The following FGD4 variants were observed in gnomAD, a reference collection of about 807,000 sequenced individuals.
FGD4 encodes the protein FYVE, RhoGEF and PH domain containing 4.
Under a neutral mutation model 102.0 loss-of-function variants are expected in FGD4, and 42 were observed. The ratio of observed to expected loss-of-function variants is 0.41; its 90% CI spans 0.32 to 0.53. The LOEUF (loss-of-function observed/expected upper bound fraction) is 0.53, where lower values mean the gene tolerates loss of function less well. FGD4 is among the 20% of genes least tolerant of loss of function. FGD4 has a pLI of 0.21. For synonymous variants in FGD4, 380 were observed against 375.7 expected (o/e 1.01, Z -0.13); for missense variants, 902 against 1,078.2 (o/e 0.84, Z 2.29).
chr12:32,475,660 T>A (rs1471798790), intron 1 of FGD4, among the ~76,000 whole-genome samples: 1 of 152,120 alleles, frequency 6.6e-6, no homozygotes, highest in Non-Finnish European at 1.5e-5. Context: ...TTTAATAAAA[T>A]CTCCGGGTGA....
chr12:32,480,913 C>G (rs1943741143), intron 1 of FGD4, among the ~76,000 whole-genome samples: 1 of 151,120 alleles, frequency 6.6e-6, no homozygotes, highest in Admixed American at 6.6e-5. Flanking sequence ...AAATGATGCT[C>G]TCACCTTACA....
chr12:32,585,391 A>G (rs537993082), intron 4 of FGD4, among the ~76,000 whole-genome samples: 1 of 151,914 alleles, frequency 6.6e-6, no homozygotes, highest in Non-Finnish European at 1.5e-5. Context: ...TGAACTGTTC[A>G]ATTAAAAAAT....
At chr12:32,435,387 G>A (rs370804661) in intron 1 of FGD4, among the ~76,000 whole-genome samples, 2 of 152,092 alleles carry the variant, frequency 1.3e-5, no homozygotes, top group Admixed American at 6.6e-5. Flanking sequence ...TATAAAATCA[G>A]GATAATCAAA....
intron 1 of FGD4, among the ~76,000 whole-genome samples, chr12:32,440,989 C>A (rs576760484): frequency 4.4e-4 from 67 of 152,328 alleles, no homozygotes; most frequent in African/African-American, 1.6e-3. Context: ...GGCCCAAGGT[C>A]TCTTAAGTCA....
At chr12:32,576,242 C>G (rs755688214) in intron 2 of FGD4, 24 bp from the exon 3 acceptor site, 6 of 1,553,608 alleles carry the variant, frequency 3.9e-6, no homozygotes, top group Non-Finnish European at 5.2e-6. Flanking sequence ...CAGTGAAATA[C>G]TATATTCTAT....
At chr12:32,425,881 A>T (rs2136426568) in intron 1 of FGD4, among the ~76,000 whole-genome samples, 1 of 152,210 alleles carries the variant, frequency 6.6e-6, no homozygotes, top group Middle Eastern at 3.4e-3. Context: ...TTATTGGTGT[A>T]TAGGAATGCT....
chr12:32,450,743 A>G (rs780754752), intron 1 of FGD4, among the ~76,000 whole-genome samples: 16 of 152,208 alleles, frequency 1.1e-4, no homozygotes, highest in East Asian at 3.8e-4. Flanking sequence ...CTCTCTCTCT[A>G]AAAGTCATGA....
intron 1 of FGD4, among the ~76,000 whole-genome samples, chr12:32,561,773 C>T (rs1198824243): frequency 6.6e-6 from 1 of 152,190 alleles, no homozygotes. Flanking sequence ...CAACATATAA[C>T]TTTTTATACC....
chr12:32,432,189 A>G (rs1942069131), intron 1 of FGD4, among the ~76,000 whole-genome samples: 1 of 150,974 alleles, frequency 6.6e-6, no homozygotes, highest in Admixed American at 6.6e-5. Context: ...TCTCCCCAGC[A>G]GCTGGGACTA....
intron 16 of FGD4, chr12:32,639,006 C>T (rs746529606): frequency 1.0e-5 from 14 of 1,351,234 alleles, no homozygotes; most frequent in African/African-American, 4.4e-5. Context: ...GATCATCTGT[C>T]CCCTTTCTTG....
In FGD4 at chr12:32,423,401, C is replaced by T. The variant is rs529133255; in HGVS notation, c.166+23442C>T. ...GGTGAGGAGATCGAGACCATCCTGG[C>T]CAACATGGTTAAACCCCATCTCTAT... is the stretch of plus-strand genomic sequence containing the variant. On this transcript the variant is annotated intron_variant, in intron 1 of 16. Transcript: ENST00000534526. Among the ~76,000 whole-genome samples, 480 of 151,140 alleles carry T rather than the reference C, an allele frequency of 3.2e-3. 4 individuals are homozygous for T. The highest frequency in any genetic ancestry group is 0.011 in the African/African-American group (456 of 41,424).
In FGD4 at chr12:32,605,887, G is replaced by A. The variant is rs117212634; in HGVS notation, c.1405-2070G>A. ...TAGTAAGTGCTCACTAAATGATAGT[G>A]GCGATGGTGGTGATAGTGGTAGTTA... is the stretch of plus-strand genomic sequence containing the variant. On this transcript the variant is annotated intron_variant, in intron 7 of 16. Transcript: ENST00000534526. Among the ~76,000 whole-genome samples the A allele has an allele frequency of 1.6e-4, 24 of 151,918 alleles. No homozygotes were observed. The East Asian group carries it at 4.6e-3, about 29-fold the overall frequency.
chr12:32,492,474 A>G (rs1441413851), intron 1 of FGD4, among the ~76,000 whole-genome samples: 1 of 152,226 alleles, frequency 6.6e-6, no homozygotes, highest in Admixed American at 6.5e-5. Context: ...GATTATGTCT[A>G]CATAGTGGTT....
At chr12:32,591,653 T>G (rs1947482262) in intron 4 of FGD4, among the ~76,000 whole-genome samples, 1 of 152,220 alleles carries the variant, frequency 6.6e-6, no homozygotes. Flanking sequence ...CTCTGTGAGC[T>G]GCAGTGGGGG....
At chr12:32,485,839 C>T (rs1565770380) in intron 1 of FGD4, 3 of 1,195,354 alleles carry the variant, frequency 2.5e-6, no homozygotes, top group South Asian at 7.1e-5. Context: ...AGTCCACCCC[C>T]GGTATTCTAG....
chr12:32,620,004 G>A, intron 11 of FGD4, 134 bp downstream of exon 11: 2 of 1,049,708 alleles, frequency 1.9e-6, no homozygotes, highest in Non-Finnish European at 2.8e-6. Context: ...TGTAAATGCA[G>A]AGCTGTAGGT....
At chr12:32,624,490 T>TC in intron 12 of FGD4, 38 bp downstream of exon 12, 1 of 1,544,754 alleles carries the variant, frequency 6.5e-7, no homozygotes. Context: ...TTCTTTTTTT[T>TC]TTTGAGGCAG....
rs757688326 is a variant in FGD4 at position 32,610,800 on chromosome 12, C to T, written c.1568C>T (p.Ala523Val). Residue 523 changes from alanine to valine, a missense_variant, in exon 9 of 17, where the codon GCA becomes GTA. Ala to Val is a moderately conservative substitution (Grantham distance 64). Transcript: ENST00000534526. Reference sequence around the variant, plus strand: ...GAATCACTTGAAATTATATCTACAGCAGCAAGCCATTCTAATAGTGCAATA... The same window carrying T: ...GAATCACTTGAAATTATATCTACAGTAGCAAGCCATTCTAATAGTGCAATA... ...AKKSLEIIST[A>V]ASHSNSAIRK... 1 of 1,613,476 alleles carries T rather than the reference C, an allele frequency of 6.2e-7. No individual in the cohort carries two copies. The highest frequency in any genetic ancestry group is 2.2e-5 in the East Asian group (1 of 44,792).
chr12:32,613,365 G>T (rs73083471), intron 10 of FGD4, among the ~76,000 whole-genome samples: 9,621 of 152,300 alleles, frequency 0.063, 449 homozygotes, highest in Admixed American at 0.11. Context: ...ACTATGCGTA[G>T]ATTTCAAAGC....
Sources: gnomAD v4.1 joint callset for allele counts (sites outside exome capture counted in the v4.1 genomes callset) on GRCh38, gnomAD v4.1.1 for gene constraint, MANE v1.5 for transcripts, NCBI Gene and HGNC (gene_info 2026-07-23, HGNC 2026-07-21) for gene names.